CTNNA2: variants seen among roughly 807,000 people sequenced by gnomAD.
CTNNA2 encodes the protein catenin alpha-2.
CTNNA2 carries 42 observed loss-of-function variants against 101.0 expected under a neutral mutation model. The ratio of observed to expected loss-of-function variants is 0.42; its 90% confidence interval spans 0.32 to 0.54. CTNNA2 has a LOEUF of 0.54. Among genes scored for constraint, CTNNA2 ranks in the 20% least tolerant of loss-of-function variants. CTNNA2 has a pLI of 0.14. For missense variants in CTNNA2, 871 were observed against 1,223.1 expected, an observed-to-expected ratio of 0.71 and a Z score of 4.29; for synonymous variants, 450 against 456.4, an observed-to-expected ratio of 0.99 and a Z score of 0.18.
chr2:80,303,419 C>A lies in CTNNA2; in HGVS notation c.1057-89792C>A. 1 of 1,614,138 alleles carries A rather than the reference C, an allele frequency of 6.2e-7. No individual in the cohort carries two copies. Among genetic ancestry groups the A allele is most frequent in the Non-Finnish European group, 8.5e-7 (1 of 1,180,032 alleles). ...CACGCTGCGCAGGTTGGGCATGGGC[C>A]GGAAGGTGGTGTTGGGCAGTTGGGT... On this transcript the variant is annotated intron_variant, in intron 7 of 18. Transcript: ENST00000402739. This position sits in a 1 kb window ranked among gnomAD's most constrained non-coding sequence, Gnocchi z 7.7.
intron 7 of CTNNA2, among the ~76,000 whole-genome samples, chr2:80,353,738 G>A (rs567152705): frequency 7.2e-5 from 11 of 152,208 alleles, no homozygotes; most frequent in Admixed American, 2.6e-4. Context: ...TGCCAAGATC[G>A]AATGAGATAA....
chr2:79,608,681 C>A (rs549120357), intron 1 of CTNNA2, among the ~76,000 whole-genome samples: 2 of 152,094 alleles, frequency 1.3e-5, no homozygotes, highest in Non-Finnish European at 2.9e-5. Flanking sequence ...AGTGGAACAG[C>A]AAAAAGCATT....
intron 4 of CTNNA2, among the ~76,000 whole-genome samples, chr2:79,392,375 T>G (rs1678183516): frequency 6.6e-6 from 1 of 152,274 alleles, no homozygotes; most frequent in East Asian, 1.9e-4. Flanking sequence ...CCAAAAAATC[T>G]CAAAAATACA....
At chr2:79,825,962 G>A (rs187968713) in intron 3 of CTNNA2, among the ~76,000 whole-genome samples, 44 of 152,104 alleles carry the variant, frequency 2.9e-4, no homozygotes, top group Admixed American at 2.5e-3. Flanking sequence ...ATTATAATAC[G>A]TTGTGATGGA....
chr2:80,216,164 G>A (rs1002254593), intron 7 of CTNNA2, among the ~76,000 whole-genome samples: 3 of 152,266 alleles, frequency 2.0e-5, no homozygotes, highest in Non-Finnish European at 4.4e-5. Flanking sequence ...GTCTGTCACG[G>A]CTTCCCTTGG....
chr2:80,494,682 G>GTA (rs774216303), intron 9 of CTNNA2, among the ~76,000 whole-genome samples: 1 of 151,164 alleles, frequency 6.6e-6, no homozygotes, highest in African/African-American at 2.4e-5. Context: ...GCTAGACGAA[G>GTA]GGACAGTTTA....
Position 80,231,653 on chromosome 2 carries a change from A to G in CTNNA2, c.1057-161558A>G, listed in dbSNP as rs79749401. 6.3e-3 allele frequency among the ~76,000 whole-genome samples: 956 copies of G among 152,298 alleles called. 12 individuals are homozygous for G. Among genetic ancestry groups the G allele is most frequent in the African/African-American group, 0.022 (894 of 41,548 alleles). On this transcript the variant is annotated intron_variant, in intron 7 of 18. Transcript: ENST00000402739. ...CATTAACATTAAAAGAGAGACCTTA[A>G]GAATGACAAAAGAGGCTCTTTGTGG...
intron 4 of CTNNA2, among the ~76,000 whole-genome samples, chr2:79,400,558 C>G (rs1021654571): frequency 1.3e-5 from 2 of 151,840 alleles, no homozygotes; most frequent in African/African-American, 4.8e-5. Flanking sequence ...AAGAAAAAAT[C>G]GGTTAACTTG....
chr2:79,510,121 T>G (rs1671503452), upstream of CTNNA2, among the ~76,000 whole-genome samples: 1 of 152,192 alleles, frequency 6.6e-6, no homozygotes, highest in Non-Finnish European at 1.5e-5. Flanking sequence ...TAAATTGTAT[T>G]ATAATTACAT....
intron 7 of CTNNA2, among the ~76,000 whole-genome samples, chr2:80,024,840 T>C (rs1275791928): frequency 1.3e-5 from 2 of 152,222 alleles, no homozygotes; most frequent in Non-Finnish European, 2.9e-5. Context: ...CCTTTTATTT[T>C]ACACTCTGTC....
intron 2 of CTNNA2, among the ~76,000 whole-genome samples, chr2:79,662,503 A>C (rs1573606118): frequency 6.6e-6 from 1 of 152,134 alleles, no homozygotes; most frequent in East Asian, 1.9e-4. Flanking sequence ...TTAGCTAACA[A>C]AATTGCTTTT....
chr2:79,871,445 C>T (rs1240081208), intron 5 of CTNNA2, among the ~76,000 whole-genome samples: 1 of 152,160 alleles, frequency 6.6e-6, no homozygotes, highest in African/African-American at 2.4e-5. Context: ...CCCCAGGAGG[C>T]TACTGGTGCA....
rs1318363237 is a variant in CTNNA2, at chr2:80,574,837, A to G, written c.1893+523A>G. ...TTATTACCCACTCCACTATCTTCCC[A>G]TCTTCAGACTTCTGTTGTTAGGTAG... On this transcript the variant is annotated intron_variant, in intron 13 of 18. Coordinates refer to ENST00000402739, the MANE Select transcript of CTNNA2 (RefSeq NM_001282597.3). Among the ~76,000 whole-genome samples the G allele has an allele frequency of 2.0e-5, 3 of 152,148 alleles. No individual in the cohort carries two copies. In the East Asian group the frequency reaches 5.8e-4, roughly 29 times the overall value.
At chr2:80,321,571 G>A (rs1341663047) in intron 7 of CTNNA2, among the ~76,000 whole-genome samples, 2 of 152,190 alleles carry the variant, frequency 1.3e-5, no homozygotes, top group Admixed American at 6.5e-5. Flanking sequence ...TAAAATGTAT[G>A]CAAATGAACT....
chr2:80,262,403 T>A (rs1672676525), intron 7 of CTNNA2, among the ~76,000 whole-genome samples: 1 of 152,242 alleles, frequency 6.6e-6, no homozygotes, highest in Non-Finnish European at 1.5e-5. Flanking sequence ...ATTGCAACAA[T>A]GCTTGTGTAT....
At chr2:80,426,822 C>T (rs370392965) in intron 9 of CTNNA2, among the ~76,000 whole-genome samples, 1 of 151,878 alleles carries the variant, frequency 6.6e-6, no homozygotes, top group Non-Finnish European at 1.5e-5. Context: ...CCATCCTAGA[C>T]CTATGCTTGT....
intron 7 of CTNNA2, among the ~76,000 whole-genome samples, chr2:80,085,270 G>A (rs1699370172): frequency 1.3e-5 from 2 of 152,058 alleles, no homozygotes; most frequent in African/African-American, 4.8e-5. Context: ...CCTGCAATCA[G>A]TGGGAGAAGG....
chr2:79,550,074 T>C (rs1328806205), intron 1 of CTNNA2, among the ~76,000 whole-genome samples: 1 of 152,062 alleles, frequency 6.6e-6, no homozygotes, highest in Non-Finnish European at 1.5e-5. Flanking sequence ...CCAATCTAAT[T>C]AGAGGTAGGA....
At chr2:79,467,162 C>A (rs10201508) in intron 4 of CTNNA2, among the ~76,000 whole-genome samples, 1 of 152,094 alleles carries the variant, frequency 6.6e-6, no homozygotes, top group Non-Finnish European at 1.5e-5. Flanking sequence ...CTAGAATAAC[C>A]AATGTAGAGA....
Sources: allele counts gnomAD v4.1 joint callset (sites outside exome capture counted in the v4.1 genomes callset), GRCh38; gene constraint gnomAD v4.1.1; non-coding constraint Gnocchi (gnomAD v3.1); transcripts MANE v1.5; gene names NCBI Gene and HGNC (gene_info 2026-07-23, HGNC 2026-07-21).